Variants in FEV observed in about 807,000 individuals in gnomAD.
FEV encodes the protein protein FEV.
Under a neutral mutation model 20.5 loss-of-function variants are expected in FEV, and 14 were observed. That is an observed-to-expected ratio of 0.68 (90% confidence interval 0.45 to 1.07). The LOEUF (loss-of-function observed/expected upper bound fraction) is 1.07. Among genes scored for constraint, FEV ranks in the 50% least tolerant of loss-of-function variants. FEV has a pLI of 0.00. For missense variants in FEV, 301 were observed against 345.3 expected (o/e 0.87, Z 1.02); for synonymous variants, 188 against 163.7 (o/e 1.15, Z -1.13).
At position 218,984,216 on chromosome 2, in the gene FEV, C is replaced by T. The variant is rs1393409120; in HGVS notation, c.127+15G>A. On this transcript the variant is annotated intron_variant, in intron 2 of 2. Coordinates refer to ENST00000295727, the MANE Select transcript of FEV (RefSeq NM_017521.3). The surrounding 1 kb of genome is among the most constrained non-coding windows in gnomAD (Gnocchi z 5.0). ...CCAACCTCGCCTCCGCCGCCCAGCG[C>T]GCCGGCCATCTCACCTTTCTGAACC... 1.3e-5 allele frequency: 20 copies of T among 1,580,028 alleles called. No individual in the cohort carries two copies. The highest frequency in any genetic ancestry group is 1.6e-5 in the Non-Finnish European group (19 of 1,163,026).
chr2:218,981,313 A>AG lies in FEV; in HGVS notation c.*353dup, dbSNP rs1945382194. 1 of 259,892 alleles carries AG rather than the reference A, an allele frequency of 3.8e-6. No individual in the cohort carries two copies. The highest frequency in any genetic ancestry group is 7.3e-6 in the Non-Finnish European group (1 of 136,724). 16.1% of individuals were successfully genotyped at this position (259,892 alleles called of 1,614,324 possible). ...TGGGAAAAGATTTGGCACTCGTTAA[A>AG]GAGTAGTGATATTGAATGGGGCTTC... On this transcript the variant is annotated 3_prime_UTR_variant, in exon 3 of 3. Coordinates refer to ENST00000295727, the MANE Select transcript of FEV (RefSeq NM_017521.3). The surrounding 1 kb of genome is among the most constrained non-coding windows in gnomAD (Gnocchi z 4.5).
chr2:218,983,867 T>C (rs1337567180), intron 2 of FEV, among the ~76,000 whole-genome samples: 1 of 152,158 alleles, frequency 6.6e-6, no homozygotes, highest in Admixed American at 6.5e-5. Flanking sequence ...CCGCTGTGTT[T>C]GGGGAGTAAT....
chr2:218,984,164 T>C lies in FEV; in HGVS notation c.127+67A>G. On this transcript the variant is annotated intron_variant, in intron 2 of 2. Transcript: ENST00000295727. This position sits in a 1 kb window ranked among gnomAD's most constrained non-coding sequence, Gnocchi z 5.0. ...ACCCTGGGTCCACACTGCTCCCACC[T>C]ACTGTCCGCCTGTGCCCTGACCCCA... 6.7e-7 allele frequency: 1 copy of C among 1,488,270 alleles called. No homozygotes were observed. Among genetic ancestry groups the C allele is most frequent in the Non-Finnish European group, 9.1e-7 (1 of 1,093,276 alleles). The allele number at this position is 1,488,270 out of a possible 1,614,324, so 92.2% of individuals were successfully genotyped here. A position where few individuals can be genotyped will look rare whatever the true frequency, so the allele number is the denominator to read the frequency against.
Position 218,981,681 on chromosome 2 carries a change from C to T in FEV, c.703G>A (p.Gly235Ser), listed in dbSNP as rs776082147. The T allele has an allele frequency of 2.1e-5, 28 of 1,339,806 alleles. No individual in the cohort carries two copies. The highest frequency in any genetic ancestry group is 2.6e-5 in the Non-Finnish European group (27 of 1,051,274). The allele number at this position is 1,339,806 out of a possible 1,614,324, so 83.0% of individuals were successfully genotyped here. A position where few individuals can be genotyped will look rare whatever the true frequency, so the allele number is the denominator to read the frequency against. Residue 235 changes from glycine (G) to serine (S), a missense_variant, in exon 3 of 3, where the codon GGC becomes AGC. Transcript: ENST00000295727. The surrounding 1 kb of genome is among the most constrained non-coding windows in gnomAD (Gnocchi z 4.5). The part of the protein sequence containing the change: ...GAVAAASHLG[G>S]HYH Reference sequence around the variant, plus strand: ...GACCGCCCCGTCTAGTGGTAATGGCCCCCCAAGTGCGAGGCTGCGGCCACG... The same window carrying T: ...GACCGCCCCGTCTAGTGGTAATGGCTCCCCAAGTGCGAGGCTGCGGCCACG...
At chr2:218,982,556 T>G (rs1040381147) in intron 2 of FEV, among the ~76,000 whole-genome samples, 7 of 151,906 alleles carry the variant, frequency 4.6e-5, no homozygotes, top group African/African-American at 7.3e-5. Context: ...AAGCATTGCC[T>G]CCCCCCACGT....
chr2:218,984,727 C>A lies in FEV; in HGVS notation c.52+297G>T, dbSNP rs1377244393. Among the ~76,000 whole-genome samples the A allele has an allele frequency of 6.6e-6, 1 of 152,128 alleles. No individual in the cohort carries two copies. Among genetic ancestry groups the A allele is most frequent in the Non-Finnish European group, 1.5e-5 (1 of 68,008 alleles). On this transcript the variant is annotated intron_variant, in intron 1 of 2. Coordinates refer to ENST00000295727, the MANE Select transcript of FEV (RefSeq NM_017521.3). The surrounding 1 kb of genome is among the most constrained non-coding windows in gnomAD (Gnocchi z 5.0). ...TACGGCTCGGCCACAGAGTACTCCA[C>A]CACGCCAGAGACCCGTGCTTCCCCT...
Position 218,985,105 on chromosome 2 carries a change from G to T in FEV, c.-30C>A, listed in dbSNP as rs575751546. The T allele has an allele frequency of 6.7e-7, 1 of 1,492,402 alleles. No homozygotes were observed. Among genetic ancestry groups the T allele is most frequent in the Admixed American group, 2.1e-5 (1 of 46,836 alleles). 92.4% of individuals were successfully genotyped at this position (1,492,402 alleles called of 1,614,324 possible). A position where few individuals can be genotyped will look rare whatever the true frequency, so the allele number is the denominator to read the frequency against. ...GCCGGGGACTGGGCGGTGGGAGATG[G>T]GGGGGACGGGGAAGGGGGGCGAGGC... is the stretch of plus-strand genomic sequence containing the variant. On this transcript the variant is annotated 5_prime_UTR_variant, in exon 1 of 3. Transcript: ENST00000295727.
Position 218,981,837 on chromosome 2 carries a change from C to T in FEV, c.547G>A (p.Ala183Thr). The T allele has an allele frequency of 8.1e-7, 1 of 1,235,666 alleles. No homozygotes were observed. The highest frequency in any genetic ancestry group is 1.0e-6 in the Non-Finnish European group (1 of 993,954). 76.5% of individuals were successfully genotyped at this position (1,235,666 alleles called of 1,614,324 possible). Residue 183 changes from alanine to threonine, a missense_variant, in exon 3 of 3, where the codon GCC becomes ACC. Transcript: ENST00000295727. The surrounding 1 kb of genome is among the most constrained non-coding windows in gnomAD (Gnocchi z 4.5). ...CCGGCGGGCGCGACCCCGGCCGAGG[C>T]GGCCATGAGGTTGAGTTTGGAGAGG... Reference protein sequence around the residue: ...PGLSKLNLMAASAGVAPAGFS... With the variant: ...PGLSKLNLMATSAGVAPAGFS...
rs1945420041 is a variant in FEV at position 218,984,428 on chromosome 2, G to T, written c.53-123C>A. Reference sequence around the variant, plus strand: ...TCCCCAGGCGCGAGGCTGGGGGCCCGGGCCACCCGGCTCCTCCTCCCGGAG... The same window carrying T: ...TCCCCAGGCGCGAGGCTGGGGGCCCTGGCCACCCGGCTCCTCCTCCCGGAG... On this transcript the variant is annotated intron_variant, in intron 1 of 2. Coordinates refer to ENST00000295727, the MANE Select transcript of FEV (RefSeq NM_017521.3). This position sits in a 1 kb window ranked among gnomAD's most constrained non-coding sequence, Gnocchi z 5.0. 2.2e-6 allele frequency: 2 copies of T among 901,562 alleles called. No homozygotes were observed. The highest frequency in any genetic ancestry group is 3.3e-6 in the Non-Finnish European group (2 of 614,490). The allele number at this position is 901,562 out of a possible 1,614,324, so 55.8% of individuals were successfully genotyped here.
intron 2 of FEV, among the ~76,000 whole-genome samples, chr2:218,982,463 C>A (rs1481444342): frequency 2.6e-5 from 4 of 152,178 alleles, no homozygotes; most frequent in Non-Finnish European, 5.9e-5. Flanking sequence ...CGCTTTTGCA[C>A]AATGGAAATG....
chr2:218,982,403 G>A lies in FEV; in HGVS notation c.128-147C>T, dbSNP rs562642444. 7.0e-4 allele frequency: 524 copies of A among 752,998 alleles called. 4 individuals are homozygous for A. In the East Asian group the frequency reaches 0.012, roughly 18 times the overall value. The allele number at this position is 752,998 out of a possible 1,614,324, so 46.6% of individuals were successfully genotyped here. On this transcript the variant is annotated intron_variant, in intron 2 of 2. Transcript: ENST00000295727. ...CAAACTGCAGCTGCGTTCGGCGGGA[G>A]AGGCCGGCCCCGGAGGGGCTGATCA...
intron 2 of FEV, among the ~76,000 whole-genome samples, chr2:218,983,956 C>T (rs1346193454): frequency 6.6e-6 from 1 of 152,206 alleles, no homozygotes; most frequent in African/African-American, 2.4e-5. Context: ...AGTGTCCCAG[C>T]CCCTGCCCCA....
chr2:218,985,101 G>A lies in FEV; in HGVS notation c.-26C>T. Reference sequence around the variant, plus strand: ...CGCCGCCGGGGACTGGGCGGTGGGAGATGGGGGGGACGGGGAAGGGGGGCG... The same window carrying A: ...CGCCGCCGGGGACTGGGCGGTGGGAAATGGGGGGGACGGGGAAGGGGGGCG... On this transcript the variant is annotated 5_prime_UTR_variant, in exon 1 of 3. Coordinates refer to ENST00000295727, the MANE Select transcript of FEV (RefSeq NM_017521.3). The A allele has an allele frequency of 6.7e-7, 1 of 1,496,336 alleles. No individual in the cohort carries two copies. The highest frequency in any genetic ancestry group is 9.0e-7 in the Non-Finnish European group (1 of 1,109,874). 92.7% of individuals were successfully genotyped at this position (1,496,336 alleles called of 1,614,324 possible). A position where few individuals can be genotyped will look rare whatever the true frequency, so the allele number is the denominator to read the frequency against.
Position 218,981,755 on chromosome 2 carries a change from G to T in FEV, c.629C>A (p.Ala210Glu). ...CTGCAAGCTGGGACTGGGGTAGAGCGCGGCGGTGGCGGCGGCAGCGGTGGC... is the reference window on the plus strand; with the variant it reads ...CTGCAAGCTGGGACTGGGGTAGAGCTCGGCGGTGGCGGCGGCAGCGGTGGC... ...PAATAAAATA[A>E]LYPSPSLQPP... is the part of the protein sequence containing the mutation. Residue 210 changes from alanine (A) to glutamate (E), a missense_variant, in exon 3 of 3, where the codon GCG becomes GAG. Coordinates refer to ENST00000295727, the MANE Select transcript of FEV (RefSeq NM_017521.3). The surrounding 1 kb of genome is among the most constrained non-coding windows in gnomAD (Gnocchi z 4.5). The T allele has an allele frequency of 7.8e-7, 1 of 1,276,354 alleles. No individual in the cohort carries two copies. The allele number at this position is 1,276,354 out of a possible 1,614,324, so 79.1% of individuals were successfully genotyped here.
In FEV at chr2:218,984,409, G is replaced by GCCTC; in HGVS notation, c.53-105_53-104insGAGG. On this transcript the variant is annotated intron_variant, in intron 1 of 2. Transcript: ENST00000295727. This position sits in a 1 kb window ranked among gnomAD's most constrained non-coding sequence, Gnocchi z 5.0. ...CTTAAGGGGGGTGCTGTGGTCCCCA[G>GCCTC]GCGCGAGGCTGGGGGCCCGGGCCAC... 3.4e-6 allele frequency: 4 copies of GCCTC among 1,162,086 alleles called. No homozygotes were observed. Among genetic ancestry groups the GCCTC allele is most frequent in the Non-Finnish European group, 4.7e-6 (4 of 845,632 alleles). The allele number at this position is 1,162,086 out of a possible 1,614,324, so 72.0% of individuals were successfully genotyped here.
chr2:218,983,896 G>A (rs1047594329), intron 2 of FEV, among the ~76,000 whole-genome samples: 1 of 152,160 alleles, frequency 6.6e-6, no homozygotes, highest in Non-Finnish European at 1.5e-5. Flanking sequence ...TTCCATTGCC[G>A]GCTGGTGCTG....
At position 218,984,999 on chromosome 2, in the gene FEV, C is replaced by T. The variant is rs1208072839; in HGVS notation, c.52+25G>A. 6.5e-7 allele frequency: 1 copy of T among 1,549,468 alleles called. No homozygotes were observed. Among genetic ancestry groups the T allele is most frequent in the Non-Finnish European group, 8.7e-7 (1 of 1,145,588 alleles). ...CTTCCCGCCCCAGGTTCCGGTGCCACCAGCCTCCGGCTGGTCCCTGGTACC... is the reference window on the plus strand; with the variant it reads ...CTTCCCGCCCCAGGTTCCGGTGCCATCAGCCTCCGGCTGGTCCCTGGTACC... On this transcript the variant is annotated intron_variant, in intron 1 of 2. Transcript: ENST00000295727. This position sits in a 1 kb window ranked among gnomAD's most constrained non-coding sequence, Gnocchi z 5.0.
In FEV at chr2:218,981,768, C is replaced by CGGCAGCGGT; in HGVS notation, c.607_615dup (p.Thr203_Ala205dup). ...CTGGGGTAGAGCGCGGCGGTGGCGG[C>CGGCAGCGGT]GGCAGCGGTGGCGGCGGGGCCCGGG... is the stretch of plus-strand genomic sequence containing the variant. On this transcript the variant is annotated inframe_insertion, in exon 3 of 3. Coordinates refer to ENST00000295727, the MANE Select transcript of FEV (RefSeq NM_017521.3). The surrounding 1 kb of genome is among the most constrained non-coding windows in gnomAD (Gnocchi z 4.5). The CGGCAGCGGT allele has an allele frequency of 7.9e-7, 1 of 1,268,632 alleles. No individual in the cohort carries two copies. Among genetic ancestry groups the CGGCAGCGGT allele is most frequent in the Non-Finnish European group, 9.9e-7 (1 of 1,014,422 alleles). The allele number at this position is 1,268,632 out of a possible 1,614,324, so 78.6% of individuals were successfully genotyped here.
chr2:218,982,191 A>T lies in FEV; in HGVS notation c.193T>A (p.Cys65Ser). 6.2e-7 allele frequency: 1 copy of T among 1,611,556 alleles called. No individual in the cohort carries two copies. The highest frequency in any genetic ancestry group is 8.5e-7 in the Non-Finnish European group (1 of 1,179,220). ...ELLADRANAG[C>S]IAWEGGHGEF... ...CCGTGACCGCCCTCCCACGCGATGC[A>T]GCCGGCGTTCGCGCGGTCAGCCAGC... The change falls in exon 3 of 3, where the codon TGC becomes AGC. Residue 65 changes from cysteine to serine, a missense_variant. By Grantham distance (112) the Cys-to-Ser change is moderately radical. Coordinates refer to ENST00000295727, the MANE Select transcript of FEV (RefSeq NM_017521.3).
Sources: allele counts gnomAD v4.1 joint callset (sites outside exome capture counted in the v4.1 genomes callset), GRCh38; gene constraint gnomAD v4.1.1; non-coding constraint Gnocchi (gnomAD v3.1); transcripts MANE v1.5; gene names NCBI Gene and HGNC (gene_info 2026-07-23, HGNC 2026-07-21).